AASDH: variants seen among roughly 807,000 people sequenced by gnomAD.
The protein encoded by AASDH is aminoadipate-semialdehyde dehydrogenase.
In AASDH, 81 loss-of-function variants were observed where a neutral mutation model predicts 102.3. That is an observed-to-expected ratio of 0.79 (90% CI 0.66 to 0.95). AASDH has a LOEUF of 0.95. Ranked by LOEUF, AASDH falls within the 40% of genes least tolerant of loss-of-function variation. The pLI is 0.00. For missense variants in AASDH, 1,203 were observed against 1,266.2 expected, an observed-to-expected ratio of 0.95 and a Z score of 0.76; for synonymous variants, 398 against 454.0, an observed-to-expected ratio of 0.88 and a Z score of 1.57.
intron 3 of AASDH, among the ~76,000 whole-genome samples, chr4:56,378,798 T>TC (rs1224205169): frequency 6.6e-6 from 1 of 151,170 alleles, no homozygotes; most frequent in Non-Finnish European, 1.5e-5. Flanking sequence ...TTTTTTTTTT[T>TC]CTGAATATTT....
At chr4:56,375,804 G>C (rs1196729930) in intron 4 of AASDH, among the ~76,000 whole-genome samples, 1 of 151,870 alleles carries the variant, frequency 6.6e-6, no homozygotes, top group Non-Finnish European at 1.5e-5. Context: ...CTAACACCAA[G>C]AAATGTATTT....
At chr4:56,383,991 C>T (rs1753263753) in intron 2 of AASDH, 79 bp downstream of exon 2, 1 of 1,235,318 alleles carries the variant, frequency 8.1e-7, no homozygotes, top group South Asian at 1.4e-5. Context: ...GTAAACAGAA[C>T]AATAACTTGC....
At chr4:56,384,402 G>A (rs1753315521) in intron 1 of AASDH, 61 bp from the exon 2 acceptor site, 2 of 797,242 alleles carry the variant, frequency 2.5e-6, no homozygotes, top group Non-Finnish European at 4.0e-6. Flanking sequence ...TGGAGGGACA[G>A]GGAAAAACTT....
At chr4:56,339,784 A>ATATCT (rs1553924566) in intron 14 of AASDH, among the ~76,000 whole-genome samples, 1 of 150,608 alleles carries the variant, frequency 6.6e-6, no homozygotes. Context: ...AGTTTTCAAT[A>ATATCT]TATCTTCTTA....
At chr4:56,363,769 G>GAAAAAA (rs1462575520) in intron 5 of AASDH, among the ~76,000 whole-genome samples, 2 of 152,146 alleles carry the variant, frequency 1.3e-5, no homozygotes, top group Non-Finnish European at 2.9e-5. Flanking sequence ...ACAAAGATGG[G>GAAAAAA]AAAAAAACAG....
At chr4:56,338,813 A>AAT (rs1377219287) in intron 14 of AASDH, 22 bp from the exon 15 acceptor site, 9 of 1,595,782 alleles carry the variant, frequency 5.6e-6, no homozygotes, top group East Asian at 4.5e-5. Context: ...AATAAAAATA[A>AAT]ATATAATTCA....
Position 56,351,367 on chromosome 4 carries a change from C to T in AASDH, c.1667G>A (p.Trp556Ter), listed in dbSNP as rs561817414. The change falls in exon 10 of 15, where the codon TGG (tryptophan) becomes TAG (stop). Residue 556 changes from tryptophan to a stop codon, truncating the protein, a stop_gained. Transcript: ENST00000205214. LOFTEE classifies it high-confidence loss of function. The part of the protein sequence containing the change: ...ENKLSGKEDL[W>*]EKLQYLWKST... Reference sequence around the variant, plus strand: ...CTTCCACAAATACTGTAATTTTTCCCAAAGGTCCTCTTTCCCACTGAGCTT... The same window carrying T: ...CTTCCACAAATACTGTAATTTTTCCTAAAGGTCCTCTTTCCCACTGAGCTT... The T allele has an allele frequency of 6.3e-7, 1 of 1,592,850 alleles. No individual in the cohort carries two copies. The highest frequency in any genetic ancestry group is 1.3e-5 in the African/African-American group (1 of 74,232).
rs769428927 is a variant in AASDH, at chr4:56,382,466, T to C, written c.351+11A>G. 3.9e-6 allele frequency: 6 copies of C among 1,540,484 alleles called. No individual in the cohort carries two copies. The South Asian group carries it at 5.8e-5, about 15-fold the overall frequency. Reference sequence around the variant, plus strand: ...ATACAGGCAAAAAACAATTGAAACATCCAGACTTACATTAATTTGTTTTTT... The same window carrying C: ...ATACAGGCAAAAAACAATTGAAACACCCAGACTTACATTAATTTGTTTTTT... On this transcript the variant is annotated intron_variant, in intron 3 of 14. Transcript: ENST00000205214.
intron 5 of AASDH, among the ~76,000 whole-genome samples, chr4:56,361,125 A>T (rs1397258179): frequency 6.6e-6 from 1 of 152,176 alleles, no homozygotes; most frequent in African/African-American, 2.4e-5. Context: ...AATAAAAAAA[A>T]TGGAGGCCGA....
At chr4:56,343,828 T>A (rs1346868567) in intron 12 of AASDH, 144 bp from the exon 13 acceptor site, 4 of 810,886 alleles carry the variant, frequency 4.9e-6, no homozygotes, top group Non-Finnish European at 7.3e-6. Flanking sequence ...AGAATCAGAT[T>A]AGTATAAAGA....
At chr4:56,354,832 G>A (rs111361215) in intron 6 of AASDH, 21 bp from the exon 7 acceptor site, 21 of 1,546,056 alleles carry the variant, frequency 1.4e-5, no homozygotes, top group African/African-American at 8.3e-5. Context: ...AAGATACAGA[G>A]CAGATTTAAA....
intron 5 of AASDH, among the ~76,000 whole-genome samples, chr4:56,366,907 A>G (rs1024500556): frequency 1.3e-5 from 2 of 151,704 alleles, no homozygotes; most frequent in African/African-American, 2.4e-5. Context: ...AGGGTATTCA[A>G]TTAGGAAAAG....
intron 4 of AASDH, among the ~76,000 whole-genome samples, chr4:56,373,437 C>T (rs956167320): frequency 2.0e-5 from 3 of 152,162 alleles, no homozygotes; most frequent in Non-Finnish European, 4.4e-5. Flanking sequence ...GCCACCGCGC[C>T]TGGCCTCTAG....
At chr4:56,361,209 C>T (rs56672277) in intron 5 of AASDH, among the ~76,000 whole-genome samples, 15,680 of 152,072 alleles carry the variant, frequency 0.1, 979 homozygotes, top group Admixed American at 0.2. Context: ...GTCAGGAGTT[C>T]GAGACCAGCC....
intron 3 of AASDH, chr4:56,382,182 G>A (rs1379539918): frequency 3.5e-6 from 1 of 289,288 alleles, no homozygotes. Context: ...AATGGAGTGT[G>A]AGGGGTGGAG....
rs781710879 is a variant in AASDH at position 56,382,567 on chromosome 4, A to G, written c.261T>C (p.Pro87=). 65 of 1,612,370 alleles carry G rather than the reference A, an allele frequency of 4.0e-5. No homozygotes were observed. The highest frequency in any genetic ancestry group is 5.3e-5 in the Non-Finnish European group (63 of 1,179,306). ...GILQVPAAYV[P]IEPDSPPSLS... Reference sequence around the variant, plus strand: ...ATGACGGTGGTGAATCTGGCTCGATAGGTACATAAGCAGCCGGGACTTGGA... The same window carrying G: ...ATGACGGTGGTGAATCTGGCTCGATGGGTACATAAGCAGCCGGGACTTGGA... The change falls in exon 3 of 15, where the codon CCT becomes CCC. Residue 87 remains proline, a synonymous_variant. Coordinates refer to ENST00000205214, the MANE Select transcript of AASDH (RefSeq NM_181806.4).
intron 3 of AASDH, among the ~76,000 whole-genome samples, chr4:56,380,817 C>T (rs1402431072): frequency 6.6e-6 from 1 of 152,114 alleles, no homozygotes; most frequent in Non-Finnish European, 1.5e-5. Flanking sequence ...GTATCGCTGG[C>T]CTCTACCCAC....
At chr4:56,382,309 C>T (rs1043481997) in intron 3 of AASDH, 168 bp downstream of exon 3, 21 of 625,542 alleles carry the variant, frequency 3.4e-5, no homozygotes, top group South Asian at 2.8e-4. Flanking sequence ...CTATAATATA[C>T]GGAACACTCC....
intron 5 of AASDH, among the ~76,000 whole-genome samples, chr4:56,364,549 G>C (rs1351723087): frequency 6.6e-6 from 1 of 152,226 alleles, no homozygotes; most frequent in Non-Finnish European, 1.5e-5. Flanking sequence ...CCAGAAGAGA[G>C]TGGGAGCCAA....
Sources: gnomAD v4.1 joint callset for allele counts (sites outside exome capture counted in the v4.1 genomes callset) on GRCh38, gnomAD v4.1.1 for gene constraint, MANE v1.5 for transcripts, NCBI Gene and HGNC (gene_info 2026-07-23, HGNC 2026-07-21) for gene names.